Variants in SAMMSON observed in about 807,000 individuals in gnomAD.
SAMMSON encodes the protein long intergenic non-protein coding RNA 1212.
chr3:70,164,212 G>A (rs2067627562), intron 4 of SAMMSON, among the ~76,000 whole-genome samples: 1 of 151,992 alleles, frequency 6.6e-6, no homozygotes, highest in Non-Finnish European at 1.5e-5. Flanking sequence ...TCATATTTTA[G>A]TTCTGCCTCT....
At position 70,134,815 on chromosome 3, in the gene SAMMSON, G is replaced by T. The variant is rs532991256; in HGVS notation, n.507+63250G>T. Among the ~76,000 whole-genome samples, 8 of 152,198 alleles carry T rather than the reference G, an allele frequency of 5.3e-5. No homozygotes were observed. The South Asian group carries it at 1.7e-3, about 32-fold the overall frequency. On this transcript the variant is annotated intron_variant and non_coding_transcript_variant, in intron 4 of 9. Transcript: ENST00000642114. ...CGGTACATTACTCATGAATGGCAGT[G>T]TGTGTCAGTTATTTATCTTTCCAAA...
chr3:70,225,018 C>T (rs1244803715), intron 4 of SAMMSON, among the ~76,000 whole-genome samples: 1 of 152,068 alleles, frequency 6.6e-6, no homozygotes. Context: ...GTACTCAAGA[C>T]AATGGAGGTT....
chr3:70,095,653 C>T (rs2067320545), intron 4 of SAMMSON, among the ~76,000 whole-genome samples: 1 of 152,128 alleles, frequency 6.6e-6, no homozygotes, highest in Non-Finnish European at 1.5e-5. Context: ...GCCTCAGTTT[C>T]CTCACCTATA....
At chr3:70,130,449 C>T (rs2067478547) in intron 4 of SAMMSON, among the ~76,000 whole-genome samples, 1 of 152,182 alleles carries the variant, frequency 6.6e-6, no homozygotes, top group African/African-American at 2.4e-5. Context: ...TACAAATATA[C>T]ATCCCATGCT....
At chr3:70,403,015 G>A (rs6549339) in intron 2 of SAMMSON, among the ~76,000 whole-genome samples, 86,749 of 151,818 alleles carry the variant, frequency 0.57, 25,200 homozygotes, top group Non-Finnish European at 0.63. Context: ...CATATAGTCT[G>A]TATGGTCTGT....
intron 4 of SAMMSON, among the ~76,000 whole-genome samples, chr3:70,106,579 A>G (rs1200827744): frequency 6.6e-6 from 1 of 150,404 alleles, no homozygotes; most frequent in Non-Finnish European, 1.5e-5. Flanking sequence ...GCCTCAACCT[A>G]TCCTCCCACC....
chr3:70,073,193 G>A (rs1440459067), intron 4 of SAMMSON, among the ~76,000 whole-genome samples: 2 of 151,986 alleles, frequency 1.3e-5, no homozygotes, highest in Non-Finnish European at 2.9e-5. Flanking sequence ...GCAAGACAGT[G>A]CTACATAGAC....
intron 4 of SAMMSON, among the ~76,000 whole-genome samples, chr3:70,235,307 TC>T (rs1452033948): frequency 6.6e-6 from 1 of 152,154 alleles, no homozygotes; most frequent in East Asian, 1.9e-4. Context: ...AGACTATAAA[TC>T]CTTTGTGCAC....
intron 9 of SAMMSON, among the ~76,000 whole-genome samples, chr3:70,364,830 C>T (rs1341948180): frequency 6.6e-6 from 1 of 151,552 alleles, no homozygotes; most frequent in Non-Finnish European, 1.5e-5. Flanking sequence ...TTTGTTTTCT[C>T]TCTATCTTCC....
In SAMMSON at chr3:70,173,288, T is replaced by G. The variant is rs192030953; in HGVS notation, n.508-75819T>G. On this transcript the variant is annotated intron_variant and non_coding_transcript_variant, in intron 4 of 9. Coordinates refer to ENST00000642114, the Ensembl canonical transcript of SAMMSON. ...CCTTTAAAGTAGTCTCTGTTCTGTT[T>G]GTCACAGGACCCGTGGGATGTGCTG... Among the ~76,000 whole-genome samples, 511 of 152,086 alleles carry G rather than the reference T, an allele frequency of 3.4e-3. 1 individual carries two copies. The highest frequency in any genetic ancestry group is 0.011 in the African/African-American group (476 of 41,554).
chr3:70,327,058 A>G (rs1023489860), intron 7 of SAMMSON, among the ~76,000 whole-genome samples: 3 of 152,158 alleles, frequency 2.0e-5, no homozygotes, highest in African/African-American at 7.2e-5. Flanking sequence ...GGGTTTCGCC[A>G]TGTTGACCAG....
intron 9 of SAMMSON, among the ~76,000 whole-genome samples, chr3:70,379,899 A>G (rs1326859936): frequency 6.6e-6 from 1 of 152,206 alleles, no homozygotes; most frequent in Non-Finnish European, 1.5e-5. Context: ...AGAATATATT[A>G]AAGTTAATAC....
chr3:70,308,374 A>T (rs1171836401), intron 7 of SAMMSON, among the ~76,000 whole-genome samples: 2 of 152,106 alleles, frequency 1.3e-5, no homozygotes, highest in African/African-American at 4.8e-5. Flanking sequence ...ATATTTTTAA[A>T]TCATGCCTTG....
intron 2 of SAMMSON, among the ~76,000 whole-genome samples, chr3:70,426,022 T>C (rs115594454): frequency 1.5e-3 from 231 of 152,300 alleles, no homozygotes; most frequent in African/African-American, 5.3e-3. Flanking sequence ...AGAAGCAATA[T>C]TGATTGGAAG....
intron 6 of SAMMSON, among the ~76,000 whole-genome samples, chr3:70,290,371 C>G (rs977134017): frequency 1.3e-5 from 2 of 152,118 alleles, no homozygotes; most frequent in African/African-American, 2.4e-5. Context: ...TTAGGCTGCT[C>G]GGGGGCCAGG....
chr3:70,121,547 A>T (rs891953720), intron 4 of SAMMSON, among the ~76,000 whole-genome samples: 1 of 152,232 alleles, frequency 6.6e-6, no homozygotes, highest in African/African-American at 2.4e-5. Flanking sequence ...TCATGAGAAA[A>T]ATAAAGACTT....
intron 3 of SAMMSON, among the ~76,000 whole-genome samples, chr3:70,043,135 T>G (rs1176044026): frequency 6.6e-6 from 1 of 152,114 alleles, no homozygotes; most frequent in African/African-American, 2.4e-5. Flanking sequence ...ATCATATATG[T>G]GTTACAAGGG....
At chr3:70,119,362 C>A (rs1482163284) in intron 4 of SAMMSON, among the ~76,000 whole-genome samples, 2 of 152,212 alleles carry the variant, frequency 1.3e-5, no homozygotes, top group Non-Finnish European at 2.9e-5. Flanking sequence ...CCACTGCCCC[C>A]TGACCGCTAC....
At chr3:70,362,992 A>G (rs1702888227) in intron 9 of SAMMSON, among the ~76,000 whole-genome samples, 1 of 152,068 alleles carries the variant, frequency 6.6e-6, no homozygotes, top group Non-Finnish European at 1.5e-5. Context: ...TTGCACTCCA[A>G]GTAATTCTGA....
Sources: allele counts gnomAD v4.1 joint callset (sites outside exome capture counted in the v4.1 genomes callset), GRCh38; gene constraint gnomAD v4.1.1; transcripts MANE v1.5; gene names NCBI Gene and HGNC (gene_info 2026-07-23, HGNC 2026-07-21).